The following ANTXR2 variants were observed in gnomAD, a reference collection of about 807,000 sequenced individuals.
ANTXR2 encodes ANTXR cell adhesion molecule 2.
Under a neutral mutation model 73.7 loss-of-function variants are expected in ANTXR2, and 44 were observed. The observed-to-expected ratio is 0.60, with a 90% CI of 0.47 to 0.77. The LOEUF is 0.77. Among genes scored for constraint, ANTXR2 ranks in the 30% least tolerant of loss-of-function variants. ANTXR2 has a pLI of 0.00. For missense variants in ANTXR2, 604 were observed against 592.5 expected, an observed-to-expected ratio of 1.02 and a Z score of -0.20; for synonymous variants, 217 against 205.9, an observed-to-expected ratio of 1.05 and a Z score of -0.46.
At chr4:79,951,548 C>A (rs1728708473) in intron 16 of ANTXR2, among the ~76,000 whole-genome samples, 1 of 151,824 alleles carries the variant, frequency 6.6e-6, no homozygotes, top group African/African-American at 2.4e-5. Flanking sequence ...TGCATTCCAG[C>A]CTGGGGGACA....
At chr4:80,043,411 T>C (rs1733368927) in intron 7 of ANTXR2, among the ~76,000 whole-genome samples, 1 of 152,004 alleles carries the variant, frequency 6.6e-6, no homozygotes, top group African/African-American at 2.4e-5. Flanking sequence ...AAAAAGTCTG[T>C]CATGTATTAA....
intron 16 of ANTXR2, among the ~76,000 whole-genome samples, chr4:79,953,483 T>G (rs1257986458): frequency 1.3e-5 from 2 of 152,154 alleles, no homozygotes; most frequent in Non-Finnish European, 2.9e-5. Flanking sequence ...ATTATGACTG[T>G]GCCAACAGTA....
At chr4:80,045,498 A>C (rs1733477095) in intron 7 of ANTXR2, among the ~76,000 whole-genome samples, 1 of 151,646 alleles carries the variant, frequency 6.6e-6, no homozygotes, top group South Asian at 2.1e-4. Flanking sequence ...GTGTGTCCTT[A>C]ACAGATAGAA....
chr4:80,048,869 T>A (rs1733641560), intron 7 of ANTXR2, among the ~76,000 whole-genome samples: 1 of 151,726 alleles, frequency 6.6e-6, no homozygotes, highest in South Asian at 2.1e-4. Context: ...GCACTATGAA[T>A]GTAGGTACTT....
chr4:80,071,479 T>A lies in ANTXR2; in HGVS notation c.224+104A>T. The A allele has an allele frequency of 5.3e-6, 5 of 951,874 alleles. No homozygotes were observed. The South Asian group carries it at 5.6e-5, about 11-fold the overall frequency. 59.0% of individuals were successfully genotyped at this position (951,874 alleles called of 1,614,324 possible). On this transcript the variant is annotated intron_variant, in intron 2 of 16. Coordinates refer to ENST00000403729, the MANE Select transcript of ANTXR2 (RefSeq NM_058172.6). ...AATACGACCTTGAGGCACTTAAAAG[T>A]AACATTTCAGGAAAAGTTTTTCCTA...
rs566732672 is a variant in ANTXR2, at chr4:79,901,194, A to G, written c.*6235T>C. ...AGAACACTTTATTGTGATAATAATA[A>G]TGGCTTCATTTCACATCAGAATTTC... is the stretch of plus-strand genomic sequence containing the variant. On this transcript the variant is annotated 3_prime_UTR_variant, in exon 17 of 17. Transcript: ENST00000403729. 13 of 152,276 alleles carry G rather than the reference A, an allele frequency of 8.5e-5. No homozygotes were observed. In the East Asian group the frequency reaches 2.5e-3, roughly 29 times the overall value. 9.4% of individuals were successfully genotyped at this position (152,276 alleles called of 1,614,324 possible).
intron 7 of ANTXR2, among the ~76,000 whole-genome samples, chr4:80,041,716 G>A (rs1733260448): frequency 6.6e-6 from 1 of 152,088 alleles, no homozygotes; most frequent in Admixed American, 6.6e-5. Context: ...AGGACATGCA[G>A]TGTTTGGTTT....
rs181153736 is a variant in ANTXR2 at position 79,943,803 on chromosome 4, A to G, written c.1428+33818T>C. Among the ~76,000 whole-genome samples the G allele has an allele frequency of 1.3e-3, 202 of 152,268 alleles. 3 individuals are homozygous for G. The highest frequency in any genetic ancestry group is 4.7e-3 in the African/African-American group (194 of 41,574). On this transcript the variant is annotated intron_variant, in intron 16 of 16. Transcript: ENST00000403729. ...AAATAATTGTTTTTAAGCAAAAACA[A>G]GAAATATTTTGATGTCTGGTTACTG... is the stretch of plus-strand genomic sequence containing the variant.
At chr4:80,012,631 G>A (rs923645245) in intron 11 of ANTXR2, among the ~76,000 whole-genome samples, 1 of 152,152 alleles carries the variant, frequency 6.6e-6, no homozygotes, top group Admixed American at 6.5e-5. Flanking sequence ...ACTTGTGGAA[G>A]TGTTCAGTCA....
intron 16 of ANTXR2, among the ~76,000 whole-genome samples, chr4:79,911,893 A>G (rs1040557988): frequency 1.3e-5 from 2 of 151,968 alleles, no homozygotes; most frequent in Non-Finnish European, 1.5e-5. Flanking sequence ...CACCCACACT[A>G]CTTACTCAAT....
intron 12 of ANTXR2, among the ~76,000 whole-genome samples, chr4:80,004,794 T>C (rs966831215): frequency 2.6e-5 from 4 of 152,138 alleles, no homozygotes; most frequent in Admixed American, 2.6e-4. Flanking sequence ...TAGGGATCTT[T>C]ATTCACTTTA....
chr4:79,907,433 T>C lies in ANTXR2; in HGVS notation c.1463A>G (p.Gln488Arg), dbSNP rs751939306. The change falls in exon 17 of 17, where the codon CAG (glutamine) becomes CGG (arginine). Residue 488 changes from glutamine (Q) to arginine (R), a missense_variant. Gln to Arg is a conservative substitution (Grantham distance 43). Coordinates refer to ENST00000403729, the MANE Select transcript of ANTXR2 (RefSeq NM_058172.6). ...CTTGGTCTTCCTGCTTCCCTTTTAC[T>C]GAGATGGAACTCGGGAGAAGTTTAT... Reference protein sequence around the residue: ...RCINFSRVPSQ With the variant: ...RCINFSRVPSR 1.2e-6 allele frequency: 2 copies of C among 1,613,008 alleles called. No individual in the cohort carries two copies. The highest frequency in any genetic ancestry group is 1.7e-6 in the Non-Finnish European group (2 of 1,179,318).
At position 80,018,756 on chromosome 4, in the gene ANTXR2, TACA is replaced by T. The variant is rs973366776; in HGVS notation, c.945+139_945+141del. ...GCAATGCCACCCAAAACGAATTCTA[TACA>T]AAATTTTTCCTTGTAATGGTCTCCA... On this transcript the variant is annotated intron_variant, in intron 11 of 16. Transcript: ENST00000403729. 1.9e-4 allele frequency: 126 copies of T among 663,682 alleles called. No homozygotes were observed. The African/African-American group carries it at 2.2e-3, about 11-fold the overall frequency. 41.1% of individuals were successfully genotyped at this position (663,682 alleles called of 1,614,324 possible).
At chr4:79,984,009 T>C (rs1729997763) in intron 13 of ANTXR2, 39 bp from the exon 14 acceptor site, 7 of 1,390,816 alleles carry the variant, frequency 5.0e-6, no homozygotes, top group Non-Finnish European at 6.9e-6. Flanking sequence ...TTAATTAATT[T>C]CTTAAAATAC....
chr4:79,979,820 T>C (rs983615956), intron 14 of ANTXR2, among the ~76,000 whole-genome samples: 1 of 149,518 alleles, frequency 6.7e-6, no homozygotes, highest in African/African-American at 2.4e-5. Context: ...TCAGGACACA[T>C]ATCCTTGCAG....
intron 16 of ANTXR2, among the ~76,000 whole-genome samples, chr4:79,949,607 A>G (rs1310133403): frequency 2.0e-5 from 3 of 152,172 alleles, no homozygotes; most frequent in South Asian, 2.1e-4. Context: ...TCTAACTCCA[A>G]TGTAAGTGAA....
At chr4:79,959,543 T>C (rs1259031184) in intron 16 of ANTXR2, among the ~76,000 whole-genome samples, 2 of 152,194 alleles carry the variant, frequency 1.3e-5, no homozygotes, top group Non-Finnish European at 2.9e-5. Context: ...AGGGTAATTA[T>C]GTTATCTGAT....
At chr4:79,908,609 ATC>A (rs1282382062) in intron 16 of ANTXR2, among the ~76,000 whole-genome samples, 1 of 152,190 alleles carries the variant, frequency 6.6e-6, no homozygotes, top group African/African-American at 2.4e-5. Context: ...TCATCAAATT[ATC>A]TGTCTTTTAA....
In ANTXR2 at chr4:79,978,013, T is replaced by C; in HGVS notation, c.1341A>G (p.Pro447=). Residue 447 remains proline, a synonymous_variant, in exon 15 of 17, where the codon CCA becomes CCG. Coordinates refer to ENST00000403729, the MANE Select transcript of ANTXR2 (RefSeq NM_058172.6). ...ACAAAATCTGGACACATACCTTAAT[T>C]GGGGTGTACCATTTTGTCTGAGGAG... is the stretch of plus-strand genomic sequence containing the variant. The part of the protein sequence containing the change: ...HQPPQTKWYT[P]IKGRLDALWA... 6.3e-7 allele frequency: 1 copy of C among 1,592,454 alleles called. No homozygotes were observed. Among genetic ancestry groups the C allele is most frequent in the Non-Finnish European group, 8.5e-7 (1 of 1,172,606 alleles).
Sources: gnomAD v4.1 joint callset for allele counts (sites outside exome capture counted in the v4.1 genomes callset) on GRCh38, gnomAD v4.1.1 for gene constraint, MANE v1.5 for transcripts, NCBI Gene and HGNC (gene_info 2026-07-23, HGNC 2026-07-21) for gene names.